PRKAR1B: variants seen among roughly 807,000 people sequenced by gnomAD.
PRKAR1B encodes the protein cAMP-dependent protein kinase type I-beta regulatory subunit.
A neutral mutation model predicts 46.5 loss-of-function variants in PRKAR1B; 22 were observed. The ratio of observed to expected loss-of-function variants is 0.47; its 90% confidence interval spans 0.34 to 0.68. The LOEUF is 0.68. Ranked by LOEUF, PRKAR1B falls within the 30% of genes least tolerant of loss-of-function variation. The pLI is 0.01. For missense variants in PRKAR1B, 445 were observed against 535.6 expected (o/e 0.83, Z 1.67); for synonymous variants, 259 against 217.7 (o/e 1.19, Z -1.67).
chr7:706,032 G>C, intron 2 of PRKAR1B, among the ~76,000 whole-genome samples: 2 of 149,278 alleles, frequency 1.3e-5, no homozygotes, highest in Middle Eastern at 7.1e-3. Flanking sequence ...GTCTCGAAAA[G>C]AAAAACAGAT....
At chr7:663,765 G>A (rs1785749021) in intron 4 of PRKAR1B, among the ~76,000 whole-genome samples, 1 of 152,126 alleles carries the variant, frequency 6.6e-6, no homozygotes, top group South Asian at 2.1e-4. Flanking sequence ...CCTCAGGGCT[G>A]CCATCAGGAC....
chr7:679,877 T>C (rs964331513), intron 3 of PRKAR1B, among the ~76,000 whole-genome samples: 1 of 152,012 alleles, frequency 6.6e-6, no homozygotes, highest in Non-Finnish European at 1.5e-5. Context: ...AGACCAGAGA[T>C]GCTGGGCATG....
chr7:596,968 C>A (rs1473159377), intron 6 of PRKAR1B, among the ~76,000 whole-genome samples: 1 of 152,280 alleles, frequency 6.6e-6, no homozygotes, highest in Non-Finnish European at 1.5e-5. Flanking sequence ...GGGAAGGAGC[C>A]CAGACAAGAT....
chr7:725,978 C>A (rs1781250907), intron 1 of PRKAR1B, among the ~76,000 whole-genome samples: 1 of 152,180 alleles, frequency 6.6e-6, no homozygotes, highest in South Asian at 2.1e-4. Context: ...CTCTCCCTGG[C>A]CCCCTACCTG....
intron 4 of PRKAR1B, among the ~76,000 whole-genome samples, chr7:658,850 C>T (rs1785347763): frequency 6.6e-6 from 1 of 152,056 alleles, no homozygotes; most frequent in Admixed American, 6.6e-5. Flanking sequence ...AGGGTTTTGT[C>T]ATGTTGGACA....
At chr7:607,566 G>T in intron 4 of PRKAR1B, 114 bp from the exon 5 acceptor site, 2 of 938,490 alleles carry the variant, frequency 2.1e-6, no homozygotes, top group Non-Finnish European at 3.4e-6. Flanking sequence ...TGGGGAAAAT[G>T]AGAAAATCCA....
intron 7 of PRKAR1B, among the ~76,000 whole-genome samples, chr7:592,209 C>G (rs991703749): frequency 6.6e-6 from 1 of 152,210 alleles, no homozygotes; most frequent in Non-Finnish European, 1.5e-5. Flanking sequence ...CCGTCCCGCC[C>G]GAGTGAGGGT....
intron 9 of PRKAR1B, among the ~76,000 whole-genome samples, chr7:572,746 T>C (rs1298231311): frequency 3.3e-5 from 5 of 151,710 alleles, no homozygotes; most frequent in Non-Finnish European, 7.4e-5. Flanking sequence ...AGGTGGAGGG[T>C]AGGCGGGAGG....
intron 2 of PRKAR1B, among the ~76,000 whole-genome samples, chr7:685,761 C>T (rs1289103430): frequency 1.3e-5 from 2 of 152,062 alleles, no homozygotes; most frequent in Non-Finnish European, 2.9e-5. Flanking sequence ...GACTTTTATA[C>T]CCAGCTAAAC....
In PRKAR1B at chr7:695,341, G is replaced by A. The variant is rs183531943; in HGVS notation, c.178-14615C>T. Among the ~76,000 whole-genome samples the A allele has an allele frequency of 1.4e-4, 21 of 152,332 alleles. No individual in the cohort carries two copies. In the East Asian group the frequency reaches 3.1e-3, roughly 22 times the overall value. Reference sequence around the variant, plus strand: ...GTCCTGGTCCTGTCCCGTCCCACACGGGGATGAAGTACAGACGTCCAGCCC... The same window carrying A: ...GTCCTGGTCCTGTCCCGTCCCACACAGGGATGAAGTACAGACGTCCAGCCC... On this transcript the variant is annotated intron_variant, in intron 2 of 10. Transcript: ENST00000537384.
intron 2 of PRKAR1B, chr7:696,616 A>T (rs931591993): frequency 3.3e-5 from 5 of 152,238 alleles, no homozygotes; most frequent in African/African-American, 1.2e-4. Flanking sequence ...AAAGTAGTTT[A>T]CTTCATAGAG....
chr7:573,958 T>TG (rs1431200421), intron 9 of PRKAR1B, among the ~76,000 whole-genome samples: 1 of 152,134 alleles, frequency 6.6e-6, no homozygotes, highest in Non-Finnish European at 1.5e-5. Context: ...GCGGTGTGCG[T>TG]GGGGGGCTCC....
chr7:589,473 G>A (rs765186694), intron 7 of PRKAR1B, among the ~76,000 whole-genome samples: 10 of 151,704 alleles, frequency 6.6e-5, no homozygotes, highest in Non-Finnish European at 1.2e-4. Flanking sequence ...CGATAAGCAC[G>A]GCTCACTATG....
chr7:711,661 C>G, intron 1 of PRKAR1B, 134 bp from the exon 2 acceptor site: 2 of 846,292 alleles, frequency 2.4e-6, no homozygotes. Context: ...TGTCAAAGAT[C>G]TTTCATTCTG....
At chr7:672,479 C>G (rs556815756) in intron 4 of PRKAR1B, among the ~76,000 whole-genome samples, 84 of 152,164 alleles carry the variant, frequency 5.5e-4, no homozygotes, top group African/African-American at 2.0e-3. Context: ...AATTCAGGTG[C>G]AAAGCTGTGC....
rs199547101 is a variant in PRKAR1B at position 632,883 on chromosome 7, C to T, written c.441-25431G>A. Among the ~76,000 whole-genome samples, 3 of 152,346 alleles carry T rather than the reference C, an allele frequency of 2.0e-5. No homozygotes were observed. The East Asian group carries it at 5.8e-4, about 29-fold the overall frequency. On this transcript the variant is annotated intron_variant, in intron 4 of 10. Transcript: ENST00000537384. ...CTCAAGGAGCCCCCGACGGCCGGCA[C>T]CCGTCAGCCCTCCTGAGCCTGGGGC...
chr7:699,961 C>T (rs35951899), intron 2 of PRKAR1B, among the ~76,000 whole-genome samples: 14,104 of 152,016 alleles, frequency 0.093, 856 homozygotes, highest in South Asian at 0.21. Context: ...GTCATTCAGC[C>T]GAGGGGACAG....
rs141495876 is a variant in PRKAR1B at position 567,779 on chromosome 7, G to A, written c.891+11477C>T. Among the ~76,000 whole-genome samples the A allele has an allele frequency of 4.7e-4, 71 of 152,278 alleles. No homozygotes were observed. The East Asian group carries it at 0.014, about 29-fold the overall frequency. On this transcript the variant is annotated intron_variant, in intron 9 of 10. Coordinates refer to ENST00000537384, the MANE Select transcript of PRKAR1B (RefSeq NM_001164760.2). ...CAAGTGAAATAAGCTAGTCACAGAG[G>A]GACAAATCCTGTCAGATCTCCCTTA...
intron 7 of PRKAR1B, among the ~76,000 whole-genome samples, chr7:590,568 C>G (rs1780917397): frequency 6.6e-6 from 1 of 152,230 alleles, no homozygotes; most frequent in South Asian, 2.1e-4. Flanking sequence ...GACGCAGACG[C>G]AGGAGATGCA....
Sources: allele counts gnomAD v4.1 joint callset (sites outside exome capture counted in the v4.1 genomes callset), GRCh38; gene constraint gnomAD v4.1.1; transcripts MANE v1.5; gene names NCBI Gene and HGNC (gene_info 2026-07-23, HGNC 2026-07-21).